Variants in NOL4 observed in about 807,000 individuals in gnomAD.
NOL4 encodes nucleolar protein 4, also known as cancer/testis antigen 125.
Under a neutral mutation model 75.9 loss-of-function variants are expected in NOL4, and 17 were observed. That is an observed-to-expected ratio of 0.22 (90% CI 0.15 to 0.34). NOL4 has a LOEUF of 0.34. NOL4 is among the 10% of genes least tolerant of loss of function. NOL4 has a pLI of 1.00. For missense variants in NOL4, 614 were observed against 793.5 expected (o/e 0.77, Z 2.72); for synonymous variants, 292 against 289.9 (o/e 1.01, Z -0.07).
chr18:34,008,082 G>C (rs1026641374), intron 6 of NOL4, among the ~76,000 whole-genome samples: 2 of 151,974 alleles, frequency 1.3e-5, no homozygotes, highest in African/African-American at 2.4e-5. Context: ...AATCTGTTGA[G>C]GGCCCAAATA....
At chr18:33,867,082 G>A (rs1239982606) in intron 10 of NOL4, among the ~76,000 whole-genome samples, 1 of 152,060 alleles carries the variant, frequency 6.6e-6, no homozygotes, top group Non-Finnish European at 1.5e-5. Flanking sequence ...TCAACAAGCT[G>A]ACAAATAAAC....
intron 10 of NOL4, among the ~76,000 whole-genome samples, chr18:33,857,514 C>T (rs80045453): frequency 0.021 from 3,185 of 152,016 alleles, 55 homozygotes; most frequent in Middle Eastern, 0.051. Flanking sequence ...AAATTAATTT[C>T]CAAAACCATT....
chr18:34,097,075 T>G (rs1375316804), intron 4 of NOL4, among the ~76,000 whole-genome samples: 1 of 152,128 alleles, frequency 6.6e-6, no homozygotes, highest in African/African-American at 2.4e-5. Context: ...CTTATCCACA[T>G]CCAATTTCTC....
At chr18:34,003,715 T>A (rs1181210311) in intron 6 of NOL4, among the ~76,000 whole-genome samples, 2 of 152,072 alleles carry the variant, frequency 1.3e-5, no homozygotes, top group African/African-American at 4.8e-5. Context: ...CACTCTCCTG[T>A]TCTTCAGCAA....
At chr18:33,973,087 C>A (rs2071209342) in intron 6 of NOL4, among the ~76,000 whole-genome samples, 1 of 152,180 alleles carries the variant, frequency 6.6e-6, no homozygotes. Context: ...AAATAAGAGT[C>A]AATCCTCTCA....
chr18:33,992,932 G>T (rs2073026942), intron 6 of NOL4, among the ~76,000 whole-genome samples: 1 of 152,012 alleles, frequency 6.6e-6, no homozygotes. Flanking sequence ...AAATTAATTT[G>T]CAACAGAGCA....
intron 5 of NOL4, among the ~76,000 whole-genome samples, chr18:34,024,188 A>ATATAT (rs1333196318): frequency 1.5e-5 from 1 of 64,586 alleles, no homozygotes; most frequent in Non-Finnish European, 3.6e-5. Flanking sequence ...CAGGAAAAAA[A>ATATAT]AAAAAAATAT....
In NOL4 at chr18:34,212,345, T is replaced by C. The variant is rs115051060; in HGVS notation, c.264+10645A>G. 5.8e-3 allele frequency among the ~76,000 whole-genome samples: 876 copies of C among 152,212 alleles called. 10 individuals are homozygous for C. Among genetic ancestry groups the C allele is most frequent in the African/African-American group, 0.02 (846 of 41,528 alleles). On this transcript the variant is annotated intron_variant, in intron 1 of 10. Coordinates refer to ENST00000261592, the MANE Select transcript of NOL4 (RefSeq NM_003787.5). ...ACCATAGAAATGGCAATACATAAGG[T>C]ATTAGAGAAAAAGAACATTTAAGCT...
chr18:34,205,471 A>G (rs768241318), intron 1 of NOL4, among the ~76,000 whole-genome samples: 7 of 152,078 alleles, frequency 4.6e-5, no homozygotes, highest in Non-Finnish European at 1.0e-4. Flanking sequence ...TCTCCACCCA[A>G]AGCGGTTTCT....
chr18:34,099,949 G>T (rs1600584058), intron 4 of NOL4, among the ~76,000 whole-genome samples: 1 of 151,672 alleles, frequency 6.6e-6, no homozygotes, highest in Non-Finnish European at 1.5e-5. Context: ...CATTTTCCTG[G>T]TCAATTCACT....
At chr18:33,888,838 G>A (rs1366172089) in intron 9 of NOL4, among the ~76,000 whole-genome samples, 8 of 152,098 alleles carry the variant, frequency 5.3e-5, no homozygotes, top group Admixed American at 4.6e-4. Flanking sequence ...AGTATAATGT[G>A]AAGTCAGGTA....
chr18:34,184,548 C>T (rs191247620), intron 1 of NOL4, among the ~76,000 whole-genome samples: 99 of 151,984 alleles, frequency 6.5e-4, no homozygotes, highest in African/African-American at 2.3e-3. Flanking sequence ...GAAAAGGAGT[C>T]AAGGAAGGGA....
chr18:34,141,670 A>G (rs2081169727), intron 1 of NOL4, among the ~76,000 whole-genome samples: 1 of 152,228 alleles, frequency 6.6e-6, no homozygotes, highest in South Asian at 2.1e-4. Flanking sequence ...TACACCTTAT[A>G]CAAAAATTAA....
chr18:34,031,166 G>A (rs1357758653), intron 5 of NOL4, among the ~76,000 whole-genome samples: 2 of 152,124 alleles, frequency 1.3e-5, no homozygotes, highest in African/African-American at 2.4e-5. Flanking sequence ...TAATATCCGG[G>A]TGTCTCCCAG....
chr18:34,092,750 T>C (rs576741967), intron 5 of NOL4, among the ~76,000 whole-genome samples: 3 of 152,336 alleles, frequency 2.0e-5, no homozygotes, highest in Admixed American at 1.3e-4. Flanking sequence ...ATAAGTCACA[T>C]TGACTTGTAT....
chr18:33,855,205 A>T (rs988436346), intron 10 of NOL4, among the ~76,000 whole-genome samples: 1 of 152,010 alleles, frequency 6.6e-6, no homozygotes, highest in Non-Finnish European at 1.5e-5. Context: ...CTAAAATAAA[A>T]ATATTTGCAA....
intron 2 of NOL4, among the ~76,000 whole-genome samples, chr18:34,115,167 T>C (rs1023822011): frequency 1.3e-5 from 2 of 152,154 alleles, no homozygotes; most frequent in African/African-American, 2.4e-5. Flanking sequence ...AAGTTTCACA[T>C]GCATACAGTG....
chr18:34,200,274 T>C (rs1389196278), intron 1 of NOL4, among the ~76,000 whole-genome samples: 2 of 151,780 alleles, frequency 1.3e-5, no homozygotes, highest in Non-Finnish European at 3.0e-5. Flanking sequence ...CTGTAATTAA[T>C]ATATCCTGAT....
chr18:34,096,567 A>G (rs149074200), intron 4 of NOL4, among the ~76,000 whole-genome samples: 351 of 152,258 alleles, frequency 2.3e-3, no homozygotes, highest in African/African-American at 7.7e-3. Context: ...TCTGATATTA[A>G]GTATTTTATT....
Sources: gnomAD v4.1 joint callset for allele counts (sites outside exome capture counted in the v4.1 genomes callset) on GRCh38, gnomAD v4.1.1 for gene constraint, MANE v1.5 for transcripts, NCBI Gene and HGNC (gene_info 2026-07-23, HGNC 2026-07-21) for gene names.